The following AASS variants were observed in gnomAD, a reference collection of about 807,000 sequenced individuals.
AASS encodes aminoadipate-semialdehyde synthase, also known as alpha-aminoadipic semialdehyde synthase, mitochondrial.
AASS carries 86 observed loss-of-function variants against 105.4 expected under a neutral mutation model. The ratio of observed to expected loss-of-function variants is 0.82; its 90% confidence interval spans 0.69 to 0.98. AASS has a LOEUF of 0.98. Among genes scored for constraint, AASS ranks in the 50% least tolerant of loss-of-function variants. The probability of loss-of-function intolerance (pLI) is 0.00; values close to 1 mark genes in which losing one functional copy is unlikely to be tolerated. For missense variants in AASS, 1,048 were observed against 1,143.2 expected (o/e 0.92, Z 1.20); for synonymous variants, 381 against 394.8 (o/e 0.96, Z 0.41).
chr7:122,113,792 G>C, intron 9 of AASS, 72 bp from the exon 10 acceptor site: 1 of 1,564,840 alleles, frequency 6.4e-7, no homozygotes, highest in Non-Finnish European at 8.7e-7. Context: ...AAAAAAAGGA[G>C]TTTGGAACAA....
chr7:122,103,972 A>G (rs538022292), intron 11 of AASS, among the ~76,000 whole-genome samples: 75 of 152,218 alleles, frequency 4.9e-4, no homozygotes, highest in Admixed American at 3.7e-3. Flanking sequence ...ACAAATGATA[A>G]AGATAAAAGA....
intron 11 of AASS, among the ~76,000 whole-genome samples, chr7:122,106,176 CCT>C (rs1467052226): frequency 1.3e-5 from 2 of 152,010 alleles, no homozygotes; most frequent in African/African-American, 2.4e-5. Flanking sequence ...AATTTGACTT[CCT>C]CTCTTCCTAT....
At chr7:122,124,271 G>GT (rs1238183015) in intron 4 of AASS, among the ~76,000 whole-genome samples, 2 of 151,998 alleles carry the variant, frequency 1.3e-5, no homozygotes, top group Non-Finnish European at 2.9e-5. Context: ...TGTTTTGTTT[G>GT]TTTTTTGTGT....
At chr7:122,089,921 C>T (rs892350983) in intron 18 of AASS, among the ~76,000 whole-genome samples, 1 of 152,174 alleles carries the variant, frequency 6.6e-6, no homozygotes, top group African/African-American at 2.4e-5. Context: ...TTATACCAAA[C>T]ATAGGCCAGT....
rs991698903 is a variant in AASS at position 122,075,643 on chromosome 7, T to C, written c.*846A>G. ...TGAGGGTTTTTTATTTTTTATTTTT[T>C]ATTGTGAAAGGGTGTTGAATTTTGT... is the stretch of plus-strand genomic sequence containing the variant. On this transcript the variant is annotated 3_prime_UTR_variant, in exon 24 of 24. Transcript: ENST00000417368. 2 of 152,192 alleles carry C rather than the reference T, an allele frequency of 1.3e-5. No homozygotes were observed. The highest frequency in any genetic ancestry group is 2.4e-5 in the African/African-American group (1 of 41,464). The allele number at this position is 152,192 out of a possible 1,614,324, so 9.4% of individuals were successfully genotyped here. A position where few individuals can be genotyped will look rare whatever the true frequency, so the allele number is the denominator to read the frequency against.
At chr7:122,142,306 C>T (rs1796438713) in intron 1 of AASS, among the ~76,000 whole-genome samples, 1 of 152,114 alleles carries the variant, frequency 6.6e-6, no homozygotes, top group Non-Finnish European at 1.5e-5. Context: ...AAAGAAAAAG[C>T]CTCCAGGCTT....
intron 19 of AASS, chr7:122,081,845 T>C (rs1268084867): frequency 2.1e-6 from 1 of 476,428 alleles, no homozygotes; most frequent in East Asian, 3.9e-5. Flanking sequence ...CAAACTGAGA[T>C]CAATAGTGTC....
chr7:122,111,982 A>C (rs1794962488), intron 11 of AASS, among the ~76,000 whole-genome samples: 1 of 152,184 alleles, frequency 6.6e-6, no homozygotes, highest in Non-Finnish European at 1.5e-5. Context: ...TCTGAGGCTC[A>C]GAAAGGAAGT....
intron 3 of AASS, among the ~76,000 whole-genome samples, chr7:122,128,319 A>C (rs1795748728): frequency 6.6e-6 from 1 of 152,160 alleles, no homozygotes; most frequent in Non-Finnish European, 1.5e-5. Flanking sequence ...GCATTTCTGA[A>C]CATGGTGTAC....
intron 15 of AASS, among the ~76,000 whole-genome samples, chr7:122,096,280 A>AT (rs1352868178): frequency 1.3e-5 from 2 of 152,058 alleles, no homozygotes; most frequent in Admixed American, 6.6e-5. Flanking sequence ...TTCTTTACTC[A>AT]TTTTTTTGTA....
Position 122,091,836 on chromosome 7 carries a change from G to GA in AASS, c.1882dup (p.Ser628PhefsTer13). The GA allele has an allele frequency of 6.3e-7, 1 of 1,598,842 alleles. No individual in the cohort carries two copies. The highest frequency in any genetic ancestry group is 8.6e-7 in the Non-Finnish European group (1 of 1,166,918). Reference sequence around the variant, plus strand: ...AAGCCCACCACAGTAGGAAATATATGATTCAATCTATAAATTAAAGAATCA... The same window carrying GA: ...AAGCCCACCACAGTAGGAAATATATGAATTCAATCTATAAATTAAAGAATCA... On this transcript the variant is annotated frameshift_variant, in exon 18 of 24. Coordinates refer to ENST00000417368, the MANE Select transcript of AASS (RefSeq NM_005763.4). LOFTEE classifies it high-confidence loss of function.
chr7:122,085,987 T>G (rs568937965), intron 19 of AASS, 25 bp downstream of exon 19: 1 of 1,613,214 alleles, frequency 6.2e-7, no homozygotes, highest in African/African-American at 1.3e-5. Context: ...TGGCAACATG[T>G]TGAATCTAAA....
intron 10 of AASS, 100 bp from the exon 11 acceptor site, chr7:122,113,329 T>G: frequency 8.6e-7 from 1 of 1,163,338 alleles, no homozygotes; most frequent in Non-Finnish European, 1.3e-6. Flanking sequence ...CATTATCATT[T>G]GTAATTTTGT....
rs1179525416 is a variant in AASS at position 122,113,683 on chromosome 7, C to A, written c.1081G>T (p.Gly361Trp). 1 of 1,613,392 alleles carries A rather than the reference C, an allele frequency of 6.2e-7. No homozygotes were observed. Among genetic ancestry groups the A allele is most frequent in the Non-Finnish European group, 8.5e-7 (1 of 1,179,806 alleles). ...CACTCAGTCATAAACTCTATAGACC[C>A]TCCTGTGTCAGCTGAAATGTCACAT... ...AICDISADTG[G>W]SIEFMTECTT... Residue 361 changes from glycine (G) to tryptophan (W), a missense_variant, in exon 10 of 24, where the codon GGG becomes TGG. Gly to Trp is a radical substitution (Grantham distance 184). Coordinates refer to ENST00000417368, the MANE Select transcript of AASS (RefSeq NM_005763.4).
intron 17 of AASS, 25 bp from the exon 18 acceptor site, chr7:122,091,868 A>G (rs536351508): frequency 6.6e-7 from 1 of 1,518,026 alleles, no homozygotes; most frequent in South Asian, 1.1e-5. Flanking sequence ...ATCAATAAAT[A>G]AGGAAGAATT....
At chr7:122,086,996 G>A (rs188653206) in intron 18 of AASS, among the ~76,000 whole-genome samples, 1 of 152,232 alleles carries the variant, frequency 6.6e-6, no homozygotes, top group Admixed American at 6.5e-5. Context: ...TATTATTGTT[G>A]AGATAAAGGA....
chr7:122,081,639 C>T, intron 19 of AASS, 44 bp from the exon 20 acceptor site: 1 of 1,401,014 alleles, frequency 7.1e-7, no homozygotes, highest in Non-Finnish European at 1.0e-6. Flanking sequence ...TTTTCTCTTC[C>T]AATGAAAAAA....
chr7:122,139,252 AT>A (rs1463227522), intron 1 of AASS, among the ~76,000 whole-genome samples: 2 of 152,232 alleles, frequency 1.3e-5, no homozygotes, highest in Non-Finnish European at 2.9e-5. Flanking sequence ...AATTAAAAAA[AT>A]ATTTGGGGGC....
At chr7:122,084,938 C>T (rs1382795310) in intron 19 of AASS, among the ~76,000 whole-genome samples, 1 of 152,120 alleles carries the variant, frequency 6.6e-6, no homozygotes, top group Non-Finnish European at 1.5e-5. Flanking sequence ...ATGCTGGTTA[C>T]ATTAGGTTGA....
Sources: allele counts gnomAD v4.1 joint callset (sites outside exome capture counted in the v4.1 genomes callset), GRCh38; gene constraint gnomAD v4.1.1; transcripts MANE v1.5; gene names NCBI Gene and HGNC (gene_info 2026-07-23, HGNC 2026-07-21).